PEX5L: variants seen among roughly 807,000 people sequenced by gnomAD.
PEX5L encodes the protein PEX5-related protein.
In PEX5L, 30 loss-of-function variants were observed where a neutral mutation model predicts 84.0. The ratio of observed to expected loss-of-function variants is 0.36; its 90% CI spans 0.27 to 0.48. The LOEUF is 0.48. Among genes scored for constraint, PEX5L ranks in the 20% least tolerant of loss-of-function variants. PEX5L has a pLI of 0.99. For synonymous variants in PEX5L, 270 were observed against 283.1 expected (o/e 0.95, Z 0.46); for missense variants, 533 against 754.6 (o/e 0.71, Z 3.44).
At chr3:179,883,905 C>T (rs1024153512) in intron 4 of PEX5L, among the ~76,000 whole-genome samples, 1 of 152,128 alleles carries the variant, frequency 6.6e-6, no homozygotes, top group Non-Finnish European at 1.5e-5. Flanking sequence ...AGTCATGATG[C>T]AAATAAATAT....
intron 2 of PEX5L, among the ~76,000 whole-genome samples, chr3:179,937,163 GTGA>G (rs1386522702): frequency 6.6e-6 from 1 of 152,152 alleles, no homozygotes. Flanking sequence ...GCCATCTTGT[GTGA>G]TGGAGTTTAC....
intron 8 of PEX5L, among the ~76,000 whole-genome samples, chr3:179,847,266 A>G (rs1739870834): frequency 1.3e-5 from 2 of 151,988 alleles, no homozygotes; most frequent in African/African-American, 2.4e-5. Context: ...ATAACTGTAT[A>G]TTGATTGATA....
chr3:179,886,677 C>G (rs541717955), intron 4 of PEX5L, among the ~76,000 whole-genome samples: 1 of 152,170 alleles, frequency 6.6e-6, no homozygotes, highest in African/African-American at 2.4e-5. Flanking sequence ...AAAATATGAC[C>G]TCACATAACA....
chr3:179,959,345 C>T (rs1381890897), intron 2 of PEX5L, among the ~76,000 whole-genome samples: 1 of 152,096 alleles, frequency 6.6e-6, no homozygotes, highest in Admixed American at 6.5e-5. Context: ...TCTGAGGCTC[C>T]CAAATGCTCC....
intron 7 of PEX5L, among the ~76,000 whole-genome samples, chr3:179,867,025 C>CAAAA (rs61404630): frequency 1.1e-5 from 1 of 89,382 alleles, no homozygotes; most frequent in Non-Finnish European, 2.2e-5. Context: ...GACTCTGTCT[C>CAAAA]AAAAAAAAAA....
chr3:179,922,872 A>G (rs918106555), intron 2 of PEX5L, among the ~76,000 whole-genome samples: 38 of 152,350 alleles, frequency 2.5e-4, no homozygotes, highest in Admixed American at 1.8e-3. Flanking sequence ...TTCATGTAGA[A>G]AGATCAGCCT....
intron 1 of PEX5L, among the ~76,000 whole-genome samples, chr3:179,994,161 C>T (rs970173598): frequency 4.6e-5 from 7 of 152,208 alleles, no homozygotes; most frequent in Non-Finnish European, 7.3e-5. Flanking sequence ...AGCTTGCCAA[C>T]TGCCACCCAA....
At chr3:179,855,222 T>C (rs962077268) in intron 8 of PEX5L, among the ~76,000 whole-genome samples, 9 of 152,142 alleles carry the variant, frequency 5.9e-5, no homozygotes, top group African/African-American at 2.2e-4. Flanking sequence ...AAAAATGGAA[T>C]AGAATGTAAA....
At chr3:179,823,637 T>C (rs1477659725) in intron 8 of PEX5L, among the ~76,000 whole-genome samples, 1 of 152,220 alleles carries the variant, frequency 6.6e-6, no homozygotes, top group African/African-American at 2.4e-5. Context: ...AGTTTCTCCA[T>C]GATGTTTTCT....
chr3:180,023,428 G>A (rs908510905), intron 1 of PEX5L, among the ~76,000 whole-genome samples: 5 of 152,162 alleles, frequency 3.3e-5, no homozygotes, highest in Admixed American at 1.3e-4. Context: ...CTCCCAAACA[G>A]CACGTCCTCT....
intron 3 of PEX5L, among the ~76,000 whole-genome samples, chr3:179,889,608 T>C (rs1003839457): frequency 6.6e-6 from 1 of 152,212 alleles, no homozygotes; most frequent in Non-Finnish European, 1.5e-5. Context: ...GTATAAAACC[T>C]CGCAGATTTT....
chr3:179,944,938 G>T (rs865996563), intron 2 of PEX5L, among the ~76,000 whole-genome samples: 1 of 152,168 alleles, frequency 6.6e-6, no homozygotes, highest in East Asian at 1.9e-4. Flanking sequence ...CTCTGTGTCC[G>T]CTTCACAAGG....
intron 8 of PEX5L, 156 bp from the exon 9 acceptor site, chr3:179,820,132 G>A (rs189188707): frequency 1.4e-3 from 1,286 of 930,318 alleles, no homozygotes; most frequent in Non-Finnish European, 1.9e-3. Context: ...CTTCTGGAGG[G>A]TACTCACTGG....
chr3:179,815,320 C>A (rs1577204238), intron 10 of PEX5L, among the ~76,000 whole-genome samples: 1 of 152,342 alleles, frequency 6.6e-6, no homozygotes, highest in African/African-American at 2.4e-5. Context: ...CGCGGTGGCT[C>A]ATGCCTGTAA....
At chr3:179,825,420 G>T (rs919955470) in intron 8 of PEX5L, among the ~76,000 whole-genome samples, 8 of 152,152 alleles carry the variant, frequency 5.3e-5, no homozygotes, top group African/African-American at 1.7e-4. Context: ...TTGACCCAAA[G>T]AATTCTTTGG....
Position 179,951,867 on chromosome 3 carries a change from A to G in PEX5L, c.93+19727T>C, listed in dbSNP as rs562568998. Among the ~76,000 whole-genome samples, 9 of 152,334 alleles carry G rather than the reference A, an allele frequency of 5.9e-5. No individual in the cohort carries two copies. In the South Asian group the frequency reaches 1.5e-3, roughly 25 times the overall value. ...ATGGAGGTGATGACGATGAAATGAA[A>G]GCCAAGAAAACAAAATGGCTTAAAT... On this transcript the variant is annotated intron_variant, in intron 2 of 14. Coordinates refer to ENST00000467460, the MANE Select transcript of PEX5L (RefSeq NM_016559.3).
intron 8 of PEX5L, among the ~76,000 whole-genome samples, chr3:179,824,588 C>T (rs1007005806): frequency 6.6e-6 from 1 of 151,886 alleles, no homozygotes; most frequent in Non-Finnish European, 1.5e-5. Flanking sequence ...TGCCTGTAAT[C>T]CCAGCTACTC....
chr3:180,026,605 A>G (rs1161112764), intron 1 of PEX5L, among the ~76,000 whole-genome samples: 1 of 152,220 alleles, frequency 6.6e-6, no homozygotes, highest in East Asian at 1.9e-4. Context: ...ACATTGATCA[A>G]TGATAGAGGA....
At chr3:179,993,080 T>C (rs1387473664) in intron 1 of PEX5L, among the ~76,000 whole-genome samples, 1 of 151,950 alleles carries the variant, frequency 6.6e-6, no homozygotes, top group African/African-American at 2.4e-5. Flanking sequence ...ATAGAAAATA[T>C]AGATAAGAAA....
Sources: allele counts gnomAD v4.1 joint callset (sites outside exome capture counted in the v4.1 genomes callset), GRCh38; gene constraint gnomAD v4.1.1; transcripts MANE v1.5; gene names NCBI Gene and HGNC (gene_info 2026-07-23, HGNC 2026-07-21).